GRK2: variants seen among roughly 807,000 people sequenced by gnomAD.
GRK2 encodes the protein adrenergic beta receptor kinase 1.
A neutral mutation model predicts 97.8 loss-of-function variants in GRK2; 23 were observed. The observed-to-expected ratio is 0.24, with a 90% CI of 0.17 to 0.33. The LOEUF is 0.33. Ranked by LOEUF, GRK2 falls within the 10% of genes least tolerant of loss-of-function variation. The pLI is 1.00. For synonymous variants in GRK2, 425 were observed against 381.7 expected (o/e 1.11, Z -1.32); for missense variants, 633 against 956.9 (o/e 0.66, Z 4.47).
intron 15 of GRK2, 78 bp from the exon 16 acceptor site, chr11:67,283,629 C>T: frequency 6.9e-7 from 1 of 1,450,600 alleles, no homozygotes; most frequent in Non-Finnish European, 9.6e-7. Context: ...GTTCACAGAG[C>T]CAGAAAGTGG....
chr11:67,279,825 G>C lies in GRK2; in HGVS notation c.442-14G>C, dbSNP rs779440303. ...CTCGGGGCTCAGTCACCAACTTCCA[G>C]CTTCCTCCCTTAGCCATACATCGAA... On this transcript the variant is annotated splice_polypyrimidine_tract_variant and intron_variant, in intron 5 of 20. Coordinates refer to ENST00000308595, the MANE Select transcript of GRK2 (RefSeq NM_001619.5). The C allele has an allele frequency of 6.2e-7, 1 of 1,613,892 alleles. No homozygotes were observed. Among genetic ancestry groups the C allele is most frequent in the African/African-American group, 1.3e-5 (1 of 74,932 alleles).
chr11:67,281,737 TGGCCGGGCCCTAGGGTG>T lies in GRK2; in HGVS notation c.826+20_826+36del, dbSNP rs760039738. On this transcript the variant is annotated intron_variant, in intron 10 of 20. Transcript: ENST00000308595. The surrounding 1 kb of genome is among the most constrained non-coding windows in gnomAD (Gnocchi z 5.7). The stretch of plus-strand genomic sequence containing the variant: ...CCTGGACCTCATGAACGGTGAGTGC[TGGCCGGGCCCTAGGGTG>T]GGCCGGGCCCAGGCACGGGAGGCTG... 35 of 1,613,200 alleles carry T rather than the reference TGGCCGGGCCCTAGGGTG, an allele frequency of 2.2e-5. No homozygotes were observed. The highest frequency in any genetic ancestry group is 1.6e-4 in the East Asian group (7 of 44,840).
chr11:67,279,488 A>G lies in GRK2; in HGVS notation c.335A>G (p.Tyr112Cys). ...CGCAGCCGGGAGATCTTCGACTCAT[A>G]CATCATGAAGGAGCTGCTGGCCTGC... Reference protein sequence around the residue: ...VARSREIFDSYIMKELLACSH... With the variant: ...VARSREIFDSCIMKELLACSH... The change falls in exon 4 of 21, where the codon TAC becomes TGC. Residue 112 changes from tyrosine to cysteine, a missense_variant. Around this residue, in one of 4 missense-constraint regions of GRK2, gnomAD observed 193 missense variants for 212.2 expected, o/e 0.91. Transcript: ENST00000308595. The G allele has an allele frequency of 6.2e-7, 1 of 1,613,322 alleles. No homozygotes were observed. The highest frequency in any genetic ancestry group is 8.5e-7 in the Non-Finnish European group (1 of 1,180,024).
chr11:67,274,932 G>T (rs984732684), intron 1 of GRK2, among the ~76,000 whole-genome samples: 2 of 152,160 alleles, frequency 1.3e-5, no homozygotes, highest in African/African-American at 2.4e-5. Flanking sequence ...ACTCCCCGGT[G>T]GGGGGCATGG....
rs146312635 is a variant in GRK2, at chr11:67,283,998, G to A, written c.1491+49G>A. ...TGTACCTAGGCTGTGATCCTGGCCT[G>A]GGGAAGGATCCCTCTCCCTTCTTAT... On this transcript the variant is annotated intron_variant, in intron 17 of 20. Coordinates refer to ENST00000308595, the MANE Select transcript of GRK2 (RefSeq NM_001619.5). 385 of 1,504,218 alleles carry A rather than the reference G, an allele frequency of 2.6e-4. 2 individuals are homozygous for A. In the African/African-American group the frequency reaches 4.3e-3, roughly 17 times the overall value. The allele number at this position is 1,504,218 out of a possible 1,614,324, so 93.2% of individuals were successfully genotyped here. A position where few individuals can be genotyped will look rare whatever the true frequency, so the allele number is the denominator to read the frequency against.
At chr11:67,280,946 G>A in intron 7 of GRK2, 147 bp from the exon 8 acceptor site, 1 of 1,098,254 alleles carries the variant, frequency 9.1e-7, no homozygotes, top group Non-Finnish European at 1.4e-6. Flanking sequence ...AGCATGGGGA[G>A]GCCGGAGCAG....
rs1359690322 is a variant in GRK2 at position 67,280,517 on chromosome 11, C to G, written c.504-215C>G. 3 of 605,696 alleles carry G rather than the reference C, an allele frequency of 5.0e-6. No homozygotes were observed. The East Asian group carries it at 8.4e-5, about 17-fold the overall frequency. 37.5% of individuals were successfully genotyped at this position (605,696 alleles called of 1,614,324 possible). On this transcript the variant is annotated intron_variant, in intron 6 of 20. Transcript: ENST00000308595. The stretch of plus-strand genomic sequence containing the variant: ...CAGCAGGAAGCCACGGCCAGGTGGC[C>G]GAGGGCCATGCTGGGCACCCAAGCA...
rs959173103 is a variant in GRK2, at chr11:67,285,795, T to C, written c.*345T>C. The stretch of plus-strand genomic sequence containing the variant: ...CTCTGTGCCCATGGGCACTGCTGGG[T>C]GGCCCATCCCCCCTCACCAGGGGCA... On this transcript the variant is annotated 3_prime_UTR_variant, in exon 21 of 21. Coordinates refer to ENST00000308595, the MANE Select transcript of GRK2 (RefSeq NM_001619.5). 3 of 313,690 alleles carry C rather than the reference T, an allele frequency of 9.6e-6. No homozygotes were observed. Among genetic ancestry groups the C allele is most frequent in the African/African-American group, 6.5e-5 (3 of 45,926 alleles). The allele number at this position is 313,690 out of a possible 1,614,324, so 19.4% of individuals were successfully genotyped here. A position where few individuals can be genotyped will look rare whatever the true frequency, so the allele number is the denominator to read the frequency against.
Position 67,266,502 on chromosome 11 carries a change from G to T in GRK2, c.-198G>T, listed in dbSNP as rs1190835557. ...CCGGCGGGAGCGGAGCGCGAGCCGG[G>T]GCCGGGCCCGAGCCGGCGCCATGGG... On this transcript the variant is annotated 5_prime_UTR_variant, in exon 1 of 21. Coordinates refer to ENST00000308595, the MANE Select transcript of GRK2 (RefSeq NM_001619.5). The T allele has an allele frequency of 6.9e-5, 10 of 145,370 alleles. No homozygotes were observed. The highest frequency in any genetic ancestry group is 2.5e-4 in the African/African-American group (10 of 40,462). 9.0% of individuals were successfully genotyped at this position (145,370 alleles called of 1,614,324 possible). A position where few individuals can be genotyped will look rare whatever the true frequency, so the allele number is the denominator to read the frequency against.
At chr11:67,273,679 T>C (rs900000003) in intron 1 of GRK2, among the ~76,000 whole-genome samples, 1 of 151,900 alleles carries the variant, frequency 6.6e-6, no homozygotes, top group Non-Finnish European at 1.5e-5. Context: ...GGGAGGGGGG[T>C]TGTTTATTTT....
rs1860182339 is a variant in GRK2, at chr11:67,282,761, C to T, written c.1170C>T (p.Pro390=). 1 of 1,611,574 alleles carries T rather than the reference C, an allele frequency of 6.2e-7. No homozygotes were observed. The change falls in exon 14 of 21, where the codon CCC becomes CCT. Residue 390 remains proline, a synonymous_variant. Coordinates refer to ENST00000308595, the MANE Select transcript of GRK2 (RefSeq NM_001619.5). This position sits in a 1 kb window ranked among gnomAD's most constrained non-coding sequence, Gnocchi z 6.9. ...GGCCTTTCTTGCCCAGGCACAGCCC[C>T]TTCCGGCAGCACAAGACCAAAGACA... ...MLFKLLRGHS[P]FRQHKTKDKH... is the part of the protein sequence containing the mutation.
At chr11:67,274,993 G>A (rs889726037) in intron 1 of GRK2, among the ~76,000 whole-genome samples, 34 of 151,990 alleles carry the variant, frequency 2.2e-4, no homozygotes, top group Admixed American at 2.0e-3. Context: ...GTCATAGGAT[G>A]CGAACTCAGG....
intron 6 of GRK2, 142 bp from the exon 7 acceptor site, chr11:67,280,589 TG>T: frequency 1.0e-6 from 1 of 966,110 alleles, no homozygotes; most frequent in Non-Finnish European, 1.6e-6. Flanking sequence ...ATATCCTTCC[TG>T]GAAGAGGACA....
In GRK2 at chr11:67,269,979, G is replaced by A. The variant is rs773070855; in HGVS notation, c.113+3167G>A. On this transcript the variant is annotated intron_variant, in intron 1 of 20. Coordinates refer to ENST00000308595, the MANE Select transcript of GRK2 (RefSeq NM_001619.5). The surrounding 1 kb of genome is among the most constrained non-coding windows in gnomAD (Gnocchi z 4.1). ...CGACCTTCTTGTAGAAGGAGGTAGC[G>A]TAAGGCAGCATTGTGTATCTGGAAG... 2.0e-5 allele frequency among the ~76,000 whole-genome samples: 3 copies of A among 152,202 alleles called. No individual in the cohort carries two copies. Among genetic ancestry groups the A allele is most frequent in the Non-Finnish European group, 2.9e-5 (2 of 68,030 alleles).
In GRK2 at chr11:67,276,305, CGGCAG is replaced by C. The variant is rs903178468; in HGVS notation, c.114-963_114-959del. On this transcript the variant is annotated intron_variant, in intron 1 of 20. Transcript: ENST00000308595. This position sits in a 1 kb window ranked among gnomAD's most constrained non-coding sequence, Gnocchi z 4.2. ...GCCTCAGCTGGCTGTTGGGACAGAC[CGGCAG>C]GGCTGGGCTTGAGGTGGGCCAGGAG... 6.6e-6 allele frequency among the ~76,000 whole-genome samples: 1 copy of C among 152,026 alleles called. No individual in the cohort carries two copies. Among genetic ancestry groups the C allele is most frequent in the Non-Finnish European group, 1.5e-5 (1 of 68,006 alleles).
At chr11:67,274,115 C>T (rs1859970529) in intron 1 of GRK2, among the ~76,000 whole-genome samples, 1 of 150,808 alleles carries the variant, frequency 6.6e-6, no homozygotes, top group South Asian at 2.1e-4. Flanking sequence ...AGGGTTCAAG[C>T]GATTCTTCTG....
rs754557071 is a variant in GRK2, at chr11:67,286,533, G to GTT, written c.*1087_*1088dup. The stretch of plus-strand genomic sequence containing the variant: ...TAAAGAGTGAAAAATGAGACTATGC[G>GTT]TTTTTATAAAAAATGGTGCCTGATT... On this transcript the variant is annotated 3_prime_UTR_variant, in exon 21 of 21. Coordinates refer to ENST00000308595, the MANE Select transcript of GRK2 (RefSeq NM_001619.5). 1.1e-5 allele frequency: 8 copies of GTT among 701,586 alleles called. No individual in the cohort carries two copies. Among genetic ancestry groups the GTT allele is most frequent in the Non-Finnish European group, 1.6e-5 (6 of 384,124 alleles). The allele number at this position is 701,586 out of a possible 1,614,324, so 43.5% of individuals were successfully genotyped here.
chr11:67,284,142 A>C, intron 17 of GRK2, 69 bp from the exon 18 acceptor site: 1 of 1,595,050 alleles, frequency 6.3e-7, no homozygotes, highest in South Asian at 1.1e-5. Flanking sequence ...GGGTCTGGGC[A>C]GCCTGTGGCT....
Position 67,282,678 on chromosome 11 carries a change from A to C in GRK2, c.1161-74A>C, listed in dbSNP as rs1396183280. 6.3e-7 allele frequency: 1 copy of C among 1,588,362 alleles called. No individual in the cohort carries two copies. Among genetic ancestry groups the C allele is most frequent in the Admixed American group, 1.7e-5 (1 of 57,900 alleles). On this transcript the variant is annotated intron_variant, in intron 13 of 20. Coordinates refer to ENST00000308595, the MANE Select transcript of GRK2 (RefSeq NM_001619.5). The surrounding 1 kb of genome is among the most constrained non-coding windows in gnomAD (Gnocchi z 6.9). Reference sequence around the variant, plus strand: ...TGGCACCGTCCCTGACTTTGGCCACAGCTCATCCATGCTGCCTGCCTCCCT... The same window carrying C: ...TGGCACCGTCCCTGACTTTGGCCACCGCTCATCCATGCTGCCTGCCTCCCT...
Sources: allele counts gnomAD v4.1 joint callset (sites outside exome capture counted in the v4.1 genomes callset), GRCh38; gene constraint gnomAD v4.1.1; regional missense constraint gnomAD v4.1.1; non-coding constraint Gnocchi (gnomAD v3.1); transcripts MANE v1.5; gene names NCBI Gene and HGNC (gene_info 2026-07-23, HGNC 2026-07-21).